ANTXR1: variants seen among roughly 807,000 people sequenced by gnomAD.
ANTXR1 encodes the protein anthrax toxin receptor 1.
In ANTXR1, 19 loss-of-function variants were observed where a neutral mutation model predicts 78.1. The ratio of observed to expected loss-of-function variants is 0.24; its 90% CI spans 0.17 to 0.36. ANTXR1 has a LOEUF of 0.36. Among genes scored for constraint, ANTXR1 ranks in the 10% least tolerant of loss-of-function variants. The pLI is 1.00. For missense variants in ANTXR1, 518 were observed against 718.6 expected, an observed-to-expected ratio of 0.72 and a Z score of 3.19; for synonymous variants, 273 against 260.5, an observed-to-expected ratio of 1.05 and a Z score of -0.46.
In ANTXR1 at chr2:69,195,541, G is replaced by A. The variant is rs557867248; in HGVS notation, c.1434+2126G>A. ...TGAAACCAGCTCATATAAATGCTGG[G>A]TTGACTTGGCCCTCATCACATATGG... On this transcript the variant is annotated intron_variant, in intron 17 of 17. Coordinates refer to ENST00000303714, the MANE Select transcript of ANTXR1 (RefSeq NM_032208.3). 7.2e-5 allele frequency among the ~76,000 whole-genome samples: 11 copies of A among 152,286 alleles called. No individual in the cohort carries two copies. In the South Asian group the frequency reaches 2.3e-3, roughly 32 times the overall value.
chr2:69,087,184 A>T (rs1006698708), intron 8 of ANTXR1, among the ~76,000 whole-genome samples: 1 of 152,180 alleles, frequency 6.6e-6, no homozygotes, highest in African/African-American at 2.4e-5. Context: ...TCAGAGTCCA[A>T]GTCTATCTTC....
intron 3 of ANTXR1, among the ~76,000 whole-genome samples, chr2:69,057,818 G>C (rs1208875217): frequency 6.6e-6 from 1 of 152,200 alleles, no homozygotes; most frequent in East Asian, 1.9e-4. Context: ...CAAGAGCAAG[G>C]CGTCTTGTGC....
intron 10 of ANTXR1, chr2:69,103,152 G>A (rs4241349): frequency 0.71 from 431,845 of 607,844 alleles, 158,816 homozygotes; most frequent in South Asian, 0.78. Context: ...TGGGTGTCCA[G>A]CTTGGTAAGC....
At chr2:69,199,947 T>C (rs2104483973) in intron 17 of ANTXR1, among the ~76,000 whole-genome samples, 1 of 152,310 alleles carries the variant, frequency 6.6e-6, no homozygotes, top group East Asian at 1.9e-4. Context: ...ATGGTTAATC[T>C]AGACTGAGGC....
chr2:69,218,475 C>G (rs1358766971), intron 17 of ANTXR1, among the ~76,000 whole-genome samples: 2 of 152,196 alleles, frequency 1.3e-5, no homozygotes, highest in African/African-American at 4.8e-5. Context: ...GCCAGGAATT[C>G]AAACTGCTTG....
chr2:69,219,386 C>CACACACACACACACAA (rs750199115), intron 17 of ANTXR1, among the ~76,000 whole-genome samples: 1 of 131,806 alleles, frequency 7.6e-6, no homozygotes, highest in Admixed American at 7.2e-5. Context: ...AGAAGGAGGA[C>CACACACACACACACAA]ACACACACAC....
chr2:69,118,887 A>G (rs571220962), intron 10 of ANTXR1, among the ~76,000 whole-genome samples: 2 of 152,252 alleles, frequency 1.3e-5, no homozygotes, highest in African/African-American at 4.8e-5. Context: ...GGTAAAATGA[A>G]AACAGGCTCC....
Position 69,213,869 on chromosome 2 carries a change from G to A in ANTXR1, c.1434+20454G>A, listed in dbSNP as rs114866445. ...ACATTCCCTGTGACTTTTACAAGTC[G>A]CAAGTGGATGACCATGCCCCCATTG... On this transcript the variant is annotated intron_variant, in intron 17 of 17. Coordinates refer to ENST00000303714, the MANE Select transcript of ANTXR1 (RefSeq NM_032208.3). 7.9e-3 allele frequency among the ~76,000 whole-genome samples: 1,200 copies of A among 152,356 alleles called. 17 individuals carry two copies. The highest frequency in any genetic ancestry group is 0.027 in the African/African-American group (1,143 of 41,584).
intron 12 of ANTXR1, among the ~76,000 whole-genome samples, chr2:69,132,685 G>A (rs927967697): frequency 6.6e-6 from 1 of 152,226 alleles, no homozygotes; most frequent in African/African-American, 2.4e-5. Flanking sequence ...GTGGGTAGCT[G>A]TCTTTGGGAC....
chr2:69,103,404 T>C (rs1440571745), intron 10 of ANTXR1: 1 of 222,366 alleles, frequency 4.5e-6, no homozygotes, highest in African/African-American at 2.3e-5. Context: ...TCTAAATGCA[T>C]TAATCTTGAA....
At chr2:69,015,859 C>T (rs926101806) in intron 1 of ANTXR1, among the ~76,000 whole-genome samples, 19 of 151,604 alleles carry the variant, frequency 1.3e-4, no homozygotes, top group African/African-American at 4.6e-4. Flanking sequence ...ATATAAAAAG[C>T]AGTAAAAGCA....
chr2:69,049,096 C>G (rs2104108882), intron 3 of ANTXR1, among the ~76,000 whole-genome samples: 1 of 152,160 alleles, frequency 6.6e-6, no homozygotes, highest in East Asian at 1.9e-4. Flanking sequence ...TCATTCTTCA[C>G]TCTTGACTGG....
At chr2:69,231,388 A>T (rs1675593280) in intron 17 of ANTXR1, among the ~76,000 whole-genome samples, 1 of 152,058 alleles carries the variant, frequency 6.6e-6, no homozygotes, top group South Asian at 2.1e-4. Flanking sequence ...ACAGATCGGG[A>T]TCCTTCGCAG....
chr2:69,106,748 G>C (rs979470509), intron 10 of ANTXR1, among the ~76,000 whole-genome samples: 8 of 152,218 alleles, frequency 5.3e-5, no homozygotes, highest in Admixed American at 2.0e-4. Flanking sequence ...CCCTGTGGGA[G>C]TCTTCCACAT....
At chr2:69,018,027 T>C (rs73934645) in intron 1 of ANTXR1, among the ~76,000 whole-genome samples, 3,541 of 152,146 alleles carry the variant, frequency 0.023, 128 homozygotes, top group African/African-American at 0.081. Context: ...TGGCTGGCTA[T>C]GTTATGTGTG....
At chr2:69,074,994 G>T (rs1334953753) in intron 6 of ANTXR1, among the ~76,000 whole-genome samples, 1 of 152,092 alleles carries the variant, frequency 6.6e-6, no homozygotes, top group African/African-American at 2.4e-5. Flanking sequence ...AGAGATCATG[G>T]ATTTACCTAT....
At chr2:69,202,941 A>C (rs529687356) in intron 17 of ANTXR1, among the ~76,000 whole-genome samples, 1 of 152,388 alleles carries the variant, frequency 6.6e-6, no homozygotes, top group Non-Finnish European at 1.5e-5. Context: ...TTGATTTCAG[A>C]GAATTTTAAT....
At chr2:69,026,380 A>C (rs1671345824) in intron 1 of ANTXR1, among the ~76,000 whole-genome samples, 1 of 152,220 alleles carries the variant, frequency 6.6e-6, no homozygotes, top group Admixed American at 6.5e-5. Flanking sequence ...TAATAATAGT[A>C]TGTGTCACAT....
Position 69,124,549 on chromosome 2 carries a change from CTTG to C in ANTXR1, c.873-11_873-9del, listed in dbSNP as rs1672467657. 2 of 1,613,612 alleles carry C rather than the reference CTTG, an allele frequency of 1.2e-6. No homozygotes were observed. Among genetic ancestry groups the C allele is most frequent in the African/African-American group, 1.3e-5 (1 of 74,908 alleles). Reference sequence around the variant, plus strand: ...CACGCCCTGCTGAGAGTCTGCTTCCCTTGTTGTCATTGCAGGAAAGCTGCACTC... The same window carrying C: ...CACGCCCTGCTGAGAGTCTGCTTCCCTTGTCATTGCAGGAAAGCTGCACTC... On this transcript the variant is annotated splice_polypyrimidine_tract_variant and intron_variant, in intron 11 of 17. Coordinates refer to ENST00000303714, the MANE Select transcript of ANTXR1 (RefSeq NM_032208.3).
Sources: allele counts gnomAD v4.1 joint callset (sites outside exome capture counted in the v4.1 genomes callset), GRCh38; gene constraint gnomAD v4.1.1; transcripts MANE v1.5; gene names NCBI Gene and HGNC (gene_info 2026-07-23, HGNC 2026-07-21).